The following CSMD1 variants were observed in gnomAD, a reference collection of about 807,000 sequenced individuals.
The protein encoded by CSMD1 is CUB and Sushi multiple domains 1, also known as CUB and sushi domain-containing protein 1.
CSMD1 carries 213 observed loss-of-function variants against 417.5 expected under a neutral mutation model. That is an observed-to-expected ratio of 0.51 (90% confidence interval 0.46 to 0.57). CSMD1 has a LOEUF of 0.57. CSMD1 is among the 20% of genes least tolerant of loss of function. The pLI, the probability that CSMD1 is intolerant of heterozygous loss-of-function variation, is 0.00. For missense variants in CSMD1, 6,923 were observed against 4,529.7 expected (o/e 1.53, Z -15.17); for synonymous variants, 2,862 against 1,736.8 (o/e 1.65, Z -16.11).
At chr8:4,116,363 C>CACTT (rs1486917000) in intron 3 of CSMD1, among the ~76,000 whole-genome samples, 1 of 152,170 alleles carries the variant, frequency 6.6e-6, no homozygotes, top group Non-Finnish European at 1.5e-5. Flanking sequence ...TGTCATTATA[C>CACTT]ACTTGTCCAA....
intron 3 of CSMD1, among the ~76,000 whole-genome samples, chr8:4,082,543 A>T (rs1443339522): frequency 6.6e-6 from 1 of 152,146 alleles, no homozygotes; most frequent in Non-Finnish European, 1.5e-5. Flanking sequence ...AACACACAAA[A>T]ACAAACAAAA....
rs1362823582 is a variant in CSMD1, at chr8:2,998,149, C to T, written c.8239G>A (p.Gly2747Arg). Reference sequence around the variant, plus strand: ...TTGAACTCACTGCCATTAGTGAATCCGTGGGCAGGGTTTCCAGGGTGACCA... The same window carrying T: ...TTGAACTCACTGCCATTAGTGAATCTGTGGGCAGGGTTTCCAGGGTGACCA... ...TCGHPGNPAH[G>R]FTNGSEFNLN... Residue 2747 changes from glycine (G) to arginine (R), a missense_variant, in exon 54 of 70, where the codon GGA (glycine) becomes AGA (arginine). Transcript: ENST00000635120. 3 of 1,613,970 alleles carry T rather than the reference C, an allele frequency of 1.9e-6. No homozygotes were observed. Among genetic ancestry groups the T allele is most frequent in the East Asian group, 2.2e-5 (1 of 44,874 alleles).
intron 5 of CSMD1, among the ~76,000 whole-genome samples, chr8:3,924,106 G>C (rs983902148): frequency 3.9e-5 from 6 of 152,184 alleles, no homozygotes; most frequent in East Asian, 1.9e-4. Context: ...CTCAGCTCTT[G>C]TTGATGCGGG....
intron 5 of CSMD1, among the ~76,000 whole-genome samples, chr8:3,787,744 T>C (rs1799525918): frequency 6.6e-6 from 1 of 152,202 alleles, no homozygotes; most frequent in Non-Finnish European, 1.5e-5. Context: ...ATAGACCCTG[T>C]ATGGGGAAGT....
chr8:3,209,958 C>T (rs754057052), intron 30 of CSMD1, among the ~76,000 whole-genome samples: 1 of 152,252 alleles, frequency 6.6e-6, no homozygotes, highest in South Asian at 2.1e-4. Context: ...CTCAACTTTG[C>T]TTCAATTTCA....
intron 1 of CSMD1, among the ~76,000 whole-genome samples, chr8:4,773,440 G>T (rs985007867): frequency 4.6e-5 from 7 of 152,112 alleles, no homozygotes; most frequent in African/African-American, 1.7e-4. Context: ...GCTGTTTGGG[G>T]GAGGCCTGTG....
chr8:2,953,930 C>T (rs181013294), intron 65 of CSMD1, among the ~76,000 whole-genome samples: 1 of 152,206 alleles, frequency 6.6e-6, no homozygotes, highest in Non-Finnish European at 1.5e-5. Flanking sequence ...CCACATGGAA[C>T]GACCAATGTT....
At chr8:4,418,662 T>C (rs1402111506) in intron 3 of CSMD1, among the ~76,000 whole-genome samples, 1 of 152,160 alleles carries the variant, frequency 6.6e-6, no homozygotes, top group Non-Finnish European at 1.5e-5. Context: ...CTGCAAAAAA[T>C]GAAATGATGT....
chr8:4,100,488 G>C (rs968448128), intron 3 of CSMD1, among the ~76,000 whole-genome samples: 1 of 152,110 alleles, frequency 6.6e-6, no homozygotes, highest in African/African-American at 2.4e-5. Flanking sequence ...CTAAGCCTTA[G>C]TCTCATCAAC....
At chr8:4,403,269 C>A (rs1056140831) in intron 3 of CSMD1, among the ~76,000 whole-genome samples, 1 of 152,194 alleles carries the variant, frequency 6.6e-6, no homozygotes, top group South Asian at 2.1e-4. Flanking sequence ...AAACAGTCAA[C>A]AATGAACATA....
At chr8:4,368,776 A>T (rs1333550886) in intron 3 of CSMD1, among the ~76,000 whole-genome samples, 10 of 151,994 alleles carry the variant, frequency 6.6e-5, no homozygotes, top group Non-Finnish European at 1.0e-4. Context: ...TACTCTCAGG[A>T]TTTTTTGTAT....
chr8:3,632,530 G>A (rs898891685), intron 7 of CSMD1, among the ~76,000 whole-genome samples: 31 of 152,142 alleles, frequency 2.0e-4, no homozygotes, highest in African/African-American at 7.5e-4. Flanking sequence ...ATGAGTATTG[G>A]TTAGAACAAG....
At chr8:4,127,114 C>G (rs2130963340) in intron 3 of CSMD1, among the ~76,000 whole-genome samples, 2 of 152,104 alleles carry the variant, frequency 1.3e-5, no homozygotes, top group South Asian at 4.2e-4. Flanking sequence ...ATCTGATTCA[C>G]CCAGAGAAAT....
intron 6 of CSMD1, among the ~76,000 whole-genome samples, chr8:3,710,725 G>A (rs5022453): frequency 0.33 from 50,089 of 151,890 alleles, 8,430 homozygotes; most frequent in East Asian, 0.49. Context: ...CACTTCAGGA[G>A]GCATCCTCCA....
At chr8:4,082,909 C>T (rs1320139617) in intron 3 of CSMD1, among the ~76,000 whole-genome samples, 1 of 151,824 alleles carries the variant, frequency 6.6e-6, no homozygotes, top group East Asian at 1.9e-4. Flanking sequence ...ATGATTATTT[C>T]CAATTTCATC....
chr8:3,831,440 G>C (rs896032133), intron 5 of CSMD1, among the ~76,000 whole-genome samples: 3 of 152,048 alleles, frequency 2.0e-5, no homozygotes, highest in African/African-American at 7.2e-5. Context: ...AATTCCATAA[G>C]GAAACATCCA....
At chr8:4,947,228 G>A (rs1013987876) in intron 1 of CSMD1, among the ~76,000 whole-genome samples, 9 of 152,088 alleles carry the variant, frequency 5.9e-5, no homozygotes, top group African/African-American at 1.7e-4. Flanking sequence ...AATGTTGTCT[G>A]ACTTCAAACA....
At chr8:4,524,594 G>A (rs928619944) in intron 2 of CSMD1, among the ~76,000 whole-genome samples, 1 of 117,188 alleles carries the variant, frequency 8.5e-6, no homozygotes. Context: ...TTTTGGTTTG[G>A]TTTGGGTTTT....
intron 3 of CSMD1, among the ~76,000 whole-genome samples, chr8:4,064,261 G>C (rs748278512): frequency 6.6e-6 from 1 of 152,188 alleles, no homozygotes; most frequent in Non-Finnish European, 1.5e-5. Context: ...CTTGACGTCA[G>C]TCTTCCCTTT....
Sources: allele counts gnomAD v4.1 joint callset (sites outside exome capture counted in the v4.1 genomes callset), GRCh38; gene constraint gnomAD v4.1.1; transcripts MANE v1.5; gene names NCBI Gene and HGNC (gene_info 2026-07-23, HGNC 2026-07-21).